TECTA: variants seen among roughly 807,000 people sequenced by gnomAD.
TECTA encodes alpha-tectorin.
In TECTA, 128 loss-of-function variants were observed where a neutral mutation model predicts 216.8. That is an observed-to-expected ratio of 0.59 (90% CI 0.51 to 0.68). The LOEUF (loss-of-function observed/expected upper bound fraction) is 0.68, where lower values mean the gene tolerates loss of function less well. Among genes scored for constraint, TECTA ranks in the 30% least tolerant of loss-of-function variants. The probability of loss-of-function intolerance (pLI) is 0.00; values close to 1 mark genes in which losing one functional copy is unlikely to be tolerated. For missense variants in TECTA, 2,551 were observed against 2,786.2 expected (o/e 0.92, Z 1.90); for synonymous variants, 1,089 against 1,117.1 (o/e 0.97, Z 0.50).
intron 10 of TECTA, among the ~76,000 whole-genome samples, chr11:121,131,213 CAAA>C (rs10683692): frequency 1.4e-5 from 1 of 70,826 alleles, no homozygotes; most frequent in Non-Finnish European, 2.5e-5. Flanking sequence ...GACTCCATCT[CAAA>C]AAAAAAAAAA....
chr11:121,170,069 T>A (rs749721275), intron 20 of TECTA, among the ~76,000 whole-genome samples: 13 of 152,144 alleles, frequency 8.5e-5, no homozygotes, highest in Non-Finnish European at 1.8e-4. Context: ...GAAATCAACT[T>A]TTTAAGCTCC....
At chr11:121,120,187 C>T (rs937609032) in intron 7 of TECTA, among the ~76,000 whole-genome samples, 6 of 151,972 alleles carry the variant, frequency 3.9e-5, no homozygotes, top group Non-Finnish European at 8.8e-5. Flanking sequence ...AAAGGGACAC[C>T]GTAATTTCTT....
chr11:121,175,459 C>T (rs537633310), intron 20 of TECTA, among the ~76,000 whole-genome samples: 3 of 152,238 alleles, frequency 2.0e-5, no homozygotes, highest in Non-Finnish European at 4.4e-5. Context: ...TACCCATAGT[C>T]GTTCAGGAGC....
intron 20 of TECTA, among the ~76,000 whole-genome samples, chr11:121,180,877 C>A (rs937394457): frequency 4.3e-5 from 4 of 94,034 alleles, no homozygotes; most frequent in South Asian, 7.3e-4. Context: ...TTTTAAAATT[C>A]TTTATTCTGG....
At chr11:121,104,033 C>T (rs1946369866) in intron 2 of TECTA, among the ~76,000 whole-genome samples, 1 of 152,040 alleles carries the variant, frequency 6.6e-6, no homozygotes, top group Non-Finnish European at 1.5e-5. Context: ...TTTTCCATTC[C>T]CTAGGCAGAT....
At chr11:121,120,563 G>A (rs1946547654) in intron 7 of TECTA, among the ~76,000 whole-genome samples, 1 of 152,178 alleles carries the variant, frequency 6.6e-6, no homozygotes, top group Non-Finnish European at 1.5e-5. Context: ...TGGCCACTAA[G>A]ATCTGTTCTT....
intron 20 of TECTA, 23 bp downstream of exon 20, chr11:121,168,948 A>G (rs766955938): frequency 1.2e-6 from 2 of 1,613,996 alleles, no homozygotes; most frequent in Admixed American, 3.3e-5. Context: ...TTTATAGACA[A>G]CATTCTCAGA....
At position 121,166,561 on chromosome 11, in the gene TECTA, A is replaced by G. The variant is rs1343337001; in HGVS notation, c.5384-17A>G. 1.2e-6 allele frequency: 2 copies of G among 1,614,028 alleles called. No individual in the cohort carries two copies. Among genetic ancestry groups the G allele is most frequent in the Non-Finnish European group, 8.5e-7 (1 of 1,179,954 alleles). ...CCGACTCCACTGATTTGCCTTTCGT[A>G]ATAACTGTTCCCACAGACTCACATG... On this transcript the variant is annotated splice_polypyrimidine_tract_variant and intron_variant, in intron 17 of 23. Transcript: ENST00000392793.
intron 16 of TECTA, among the ~76,000 whole-genome samples, chr11:121,164,493 TG>T (rs1282114235): frequency 6.6e-6 from 1 of 152,192 alleles, no homozygotes; most frequent in Admixed American, 6.5e-5. Flanking sequence ...TCCTAATTAG[TG>T]GTTCTCAGAC....
chr11:121,137,528 T>C lies in TECTA; in HGVS notation c.3049T>C (p.Cys1017Arg), dbSNP rs1487485466. Residue 1017 changes from cysteine (C) to arginine (R), a missense_variant, in exon 11 of 24, where the codon TGT becomes CGT. Cys to Arg is a radical substitution (Grantham distance 180). This residue lies in a region of TECTA where 2,375 missense variants were observed against 2,563.9 expected (regional missense o/e 0.93). Transcript: ENST00000392793. The part of the protein sequence containing the change: ...PICVDSCSEG[C>R]QCDEGYALLG... Reference sequence around the variant, plus strand: ...CTGCGTGGATAGCTGCTCTGAGGGATGTCAGTGTGATGAGGGCTATGCTCT... The same window carrying C: ...CTGCGTGGATAGCTGCTCTGAGGGACGTCAGTGTGATGAGGGCTATGCTCT... 1 of 1,613,708 alleles carries C rather than the reference T, an allele frequency of 6.2e-7. No homozygotes were observed. The highest frequency in any genetic ancestry group is 8.5e-7 in the Non-Finnish European group (1 of 1,179,962).
rs527976707 is a variant in TECTA at position 121,157,965 on chromosome 11, G to T, written c.4430G>T (p.Arg1477Leu). 1 of 1,613,532 alleles carries T rather than the reference G, an allele frequency of 6.2e-7. No individual in the cohort carries two copies. The highest frequency in any genetic ancestry group is 8.5e-7 in the Non-Finnish European group (1 of 1,179,984). The change falls in exon 14 of 24, where the codon CGC becomes CTC. Residue 1477 changes from arginine to leucine, a missense_variant. Physicochemically the swap from Arg to Leu is moderately radical, Grantham distance 102 (BLOSUM62 -2). Transcript: ENST00000392793. Reference protein sequence around the residue: ...DEECALRNGVRGCFSTKTSYC... With the variant: ...DEECALRNGVLGCFSTKTSYC... ...GAGTGTGCGCTGCGCAACGGGGTGC[G>T]CGGCTGCTTCAGCACCAAGACCTCC...
intron 20 of TECTA, among the ~76,000 whole-genome samples, chr11:121,175,877 G>A (rs369303389): frequency 1.3e-5 from 2 of 152,268 alleles, no homozygotes; most frequent in East Asian, 1.9e-4. Context: ...GTGCTCCTGT[G>A]TTGGGTGCAT....
rs772595230 is a variant in TECTA at position 121,187,902 on chromosome 11, G to A, written c.6070G>A (p.Val2024Ile). 2.6e-5 allele frequency: 42 copies of A among 1,614,082 alleles called. No homozygotes were observed. The highest frequency in any genetic ancestry group is 3.0e-5 in the Non-Finnish European group (35 of 1,180,028). Residue 2024 changes from valine to isoleucine, a missense_variant, in exon 21 of 24, where the codon GTC (valine) becomes ATC (isoleucine). Transcript: ENST00000392793. Reference sequence around the variant, plus strand: ...AGTCTCCCTGACCTGTCGCTTTCACGTCACCGTCTTTAAATTCATAGGGGA... The same window carrying A: ...AGTCTCCCTGACCTGTCGCTTTCACATCACCGTCTTTAAATTCATAGGGGA... ...NAVSLTCRFH[V>I]TVFKFIGDYD... is the part of the protein sequence containing the mutation.
intron 14 of TECTA, among the ~76,000 whole-genome samples, chr11:121,158,590 C>T (rs975827148): frequency 2.0e-5 from 3 of 152,204 alleles, no homozygotes; most frequent in African/African-American, 7.2e-5. Flanking sequence ...ATTCTTGGCT[C>T]TGCCCTCTTG....
At chr11:121,137,397 CG>C in intron 10 of TECTA, 23 bp from the exon 11 acceptor site, 1 of 1,613,754 alleles carries the variant, frequency 6.2e-7, no homozygotes. Context: ...TTCTCAAACC[CG>C]TCTTCTCCTT....
rs761891456 is a variant in TECTA, at chr11:121,189,039, T to C, written c.6163-41T>C. On this transcript the variant is annotated intron_variant, in intron 21 of 23. Transcript: ENST00000392793. Reference sequence around the variant, plus strand: ...ACATGGTGAAGAATAAGTTATCAGCTTAATTGTGTGAAAATTTCCCCCTGG... The same window carrying C: ...ACATGGTGAAGAATAAGTTATCAGCCTAATTGTGTGAAAATTTCCCCCTGG... The C allele has an allele frequency of 7.5e-6, 12 of 1,600,276 alleles. No homozygotes were observed. The Admixed American group carries it at 2.0e-4, about 27-fold the overall frequency.
chr11:121,102,835 T>TGTAGACAC, intron 2 of TECTA, 106 bp downstream of exon 2: 1 of 926,118 alleles, frequency 1.1e-6, no homozygotes, highest in Non-Finnish European at 1.8e-6. Context: ...CATGTGTGTC[T>TGTAGACAC]ACAGATACAA....
chr11:121,113,716 G>T lies in TECTA; in HGVS notation c.788G>T (p.Arg263Met). The change falls in exon 6 of 24, where the codon AGG (arginine) becomes ATG (methionine). Residue 263 changes from arginine (R) to methionine (M), a missense_variant and splice_region_variant. Arg to Met is a moderately conservative substitution (Grantham distance 91). This residue lies in a region of TECTA where 2,375 missense variants were observed against 2,563.9 expected (regional missense o/e 0.93). Transcript: ENST00000392793. This position sits in a 1 kb window ranked among gnomAD's most constrained non-coding sequence, Gnocchi z 4.2. ...GACCCAGCCAATGGCTGCACCTCAA[G>T]GGGTAAAGCTTTTCCTCTGTCTGTG... is the stretch of plus-strand genomic sequence containing the variant. ...EIDPANGCTS[R>M]GQFLRRGEVF... is the part of the protein sequence containing the mutation. 1 of 1,613,414 alleles carries T rather than the reference G, an allele frequency of 6.2e-7. No homozygotes were observed. Among genetic ancestry groups the T allele is most frequent in the Non-Finnish European group, 8.5e-7 (1 of 1,179,976 alleles).
chr11:121,128,444 G>A, intron 9 of TECTA, 100 bp downstream of exon 9: 1 of 1,119,042 alleles, frequency 8.9e-7, no homozygotes, highest in East Asian at 2.6e-5. Flanking sequence ...CTGCCTATGA[G>A]TGGATTTTAG....
Sources: gnomAD v4.1 joint callset for allele counts (sites outside exome capture counted in the v4.1 genomes callset) on GRCh38, gnomAD v4.1.1 for gene constraint, gnomAD v4.1.1 regional missense constraint, Gnocchi (gnomAD v3.1) non-coding constraint, MANE v1.5 for transcripts, NCBI Gene and HGNC (gene_info 2026-07-23, HGNC 2026-07-21) for gene names.